Variants in WWOX observed in about 807,000 individuals in gnomAD.
WWOX encodes the protein WW domain containing oxidoreductase, also known as WW domain-containing oxidoreductase.
In WWOX, 69 loss-of-function variants were observed where a neutral mutation model predicts 46.2. The ratio of observed to expected loss-of-function variants is 1.49; its 90% CI spans 1.23 to 1.82. The LOEUF (loss-of-function observed/expected upper bound fraction) is 1.82. Ranked by LOEUF, WWOX falls within the 40% of genes most tolerant of loss-of-function variation. The pLI is 0.00. For synonymous variants in WWOX, 359 were observed against 202.6 expected (o/e 1.77, Z -6.56); for missense variants, 919 against 542.6 (o/e 1.69, Z -6.89).
intron 8 of WWOX, among the ~76,000 whole-genome samples, chr16:78,989,150 G>A (rs2046836101): frequency 6.6e-6 from 1 of 152,132 alleles, no homozygotes; most frequent in South Asian, 2.1e-4. Context: ...TGAAGATGCT[G>A]AACCCTTATT....
At chr16:78,216,183 T>C (rs1202912255) in intron 5 of WWOX, among the ~76,000 whole-genome samples, 1 of 152,122 alleles carries the variant, frequency 6.6e-6, no homozygotes, top group Non-Finnish European at 1.5e-5. Context: ...AAAAGTAAAA[T>C]AATAAATATA....
chr16:78,937,841 T>G (rs1426695279), intron 8 of WWOX, among the ~76,000 whole-genome samples: 1 of 152,256 alleles, frequency 6.6e-6, no homozygotes, highest in African/African-American at 2.4e-5. Flanking sequence ...TTGGCCAGGC[T>G]GGTCTGGAAC....
intron 8 of WWOX, among the ~76,000 whole-genome samples, chr16:78,875,177 G>C (rs946168287): frequency 9.2e-5 from 14 of 152,166 alleles, no homozygotes; most frequent in African/African-American, 2.2e-4. Flanking sequence ...GATTGCATGA[G>C]ATTAAGCCGC....
At chr16:78,288,013 C>T (rs1342775100) in intron 5 of WWOX, among the ~76,000 whole-genome samples, 2 of 152,012 alleles carry the variant, frequency 1.3e-5, no homozygotes, top group Non-Finnish European at 2.9e-5. Context: ...GAAACATTTC[C>T]CTAAGATTCC....
At chr16:79,172,903 C>T (rs1315019258) in intron 8 of WWOX, among the ~76,000 whole-genome samples, 2 of 151,762 alleles carry the variant, frequency 1.3e-5, no homozygotes, top group Non-Finnish European at 2.9e-5. Context: ...CGCCTGTAGT[C>T]CCAGCTACTC....
intron 4 of WWOX, chr16:78,119,217 C>G (rs1391921257): frequency 6.6e-6 from 1 of 152,198 alleles, no homozygotes; most frequent in Non-Finnish European, 1.5e-5. Context: ...CTTGTTGGCT[C>G]TGATTTGGTA....
At chr16:79,106,371 A>G (rs1428184872) in intron 8 of WWOX, among the ~76,000 whole-genome samples, 1 of 152,154 alleles carries the variant, frequency 6.6e-6, no homozygotes, top group African/African-American at 2.4e-5. Flanking sequence ...GCTTGTGTTC[A>G]CACTCACCTA....
chr16:78,432,604 T>A lies in WWOX; in HGVS notation c.908T>A (p.Phe303Tyr). ...AGGTCCAAGCTCTGCAACATCCTCT[T>A]CTCCAACGAGCTGCACCGTCGCCTC... ...YNRSKLCNIL[F>Y]SNELHRRLSP... Residue 303 changes from phenylalanine to tyrosine, a missense_variant, in exon 8 of 9, where the codon TTC becomes TAC. Transcript: ENST00000566780. 5 of 1,614,200 alleles carry A rather than the reference T, an allele frequency of 3.1e-6. No individual in the cohort carries two copies. Among genetic ancestry groups the A allele is most frequent in the Non-Finnish European group, 3.4e-6 (4 of 1,180,036 alleles).
chr16:78,659,875 C>G (rs1031206340), intron 8 of WWOX, among the ~76,000 whole-genome samples: 1 of 152,096 alleles, frequency 6.6e-6, no homozygotes, highest in Non-Finnish European at 1.5e-5. Flanking sequence ...GAGCAAAGTC[C>G]GGGTCCCCAG....
intron 8 of WWOX, among the ~76,000 whole-genome samples, chr16:78,686,619 G>A (rs2738631): frequency 0.62 from 93,531 of 152,016 alleles, 29,140 homozygotes; most frequent in Admixed American, 0.69. Context: ...TGTTTTTGGA[G>A]GAACTCCTGT....
intron 8 of WWOX, among the ~76,000 whole-genome samples, chr16:79,140,130 G>C (rs535060156): frequency 6.6e-6 from 1 of 152,164 alleles, no homozygotes; most frequent in Admixed American, 6.5e-5. Context: ...GTGTTTTGTG[G>C]TTGTTGTTAT....
At chr16:78,753,689 G>C (rs4888840) in intron 8 of WWOX, among the ~76,000 whole-genome samples, 93,426 of 149,002 alleles carry the variant, frequency 0.63, 29,647 homozygotes, top group South Asian at 0.72. Context: ...GTAGTCCCAG[G>C]TACTCAGGAG....
intron 8 of WWOX, among the ~76,000 whole-genome samples, chr16:78,989,829 T>TGTGTGTGG (rs2046849538): frequency 6.7e-6 from 1 of 150,322 alleles, no homozygotes. Flanking sequence ...AGCGTGTGTG[T>TGTGTGTGG]GTGTGTGTGT....
At chr16:78,839,270 GTC>G (rs1167414870) in intron 8 of WWOX, among the ~76,000 whole-genome samples, 1 of 151,908 alleles carries the variant, frequency 6.6e-6, no homozygotes, top group Admixed American at 6.6e-5. Context: ...CTCCCTTCCA[GTC>G]TCTCTCTTCT....
At chr16:78,583,688 G>C (rs1385496828) in intron 8 of WWOX, among the ~76,000 whole-genome samples, 1 of 152,198 alleles carries the variant, frequency 6.6e-6, no homozygotes, top group Non-Finnish European at 1.5e-5. Context: ...TGGGGGGGTT[G>C]CTTGGCCCAG....
intron 5 of WWOX, among the ~76,000 whole-genome samples, chr16:78,216,711 A>G (rs2036733997): frequency 6.6e-6 from 1 of 151,404 alleles, no homozygotes; most frequent in South Asian, 2.1e-4. Flanking sequence ...CCACCTAGAT[A>G]ACCAGGGTCC....
chr16:78,799,189 C>G (rs969624915), intron 8 of WWOX, among the ~76,000 whole-genome samples: 1 of 152,132 alleles, frequency 6.6e-6, no homozygotes, highest in Non-Finnish European at 1.5e-5. Context: ...AAAACTCTGC[C>G]TTTCTAAAGA....
intron 8 of WWOX, among the ~76,000 whole-genome samples, chr16:78,440,752 G>T (rs888006811): frequency 1.3e-5 from 2 of 151,862 alleles, no homozygotes; most frequent in Admixed American, 6.6e-5. Context: ...CCAAGTAGCT[G>T]GGATTACAAG....
At chr16:78,662,823 T>C (rs904015450) in intron 8 of WWOX, among the ~76,000 whole-genome samples, 4 of 152,140 alleles carry the variant, frequency 2.6e-5, no homozygotes, top group African/African-American at 9.7e-5. Context: ...CTCAGCTTTT[T>C]GGCTGTTGGT....
Sources: allele counts gnomAD v4.1 joint callset (sites outside exome capture counted in the v4.1 genomes callset), GRCh38; gene constraint gnomAD v4.1.1; transcripts MANE v1.5; gene names NCBI Gene and HGNC (gene_info 2026-07-23, HGNC 2026-07-21).